NFKBID: variants seen among roughly 807,000 people sequenced by gnomAD.
The protein encoded by NFKBID is NF-kappa-B inhibitor delta.
Under a neutral mutation model 53.4 loss-of-function variants are expected in NFKBID, and 26 were observed. That is an observed-to-expected ratio of 0.49 (90% CI 0.36 to 0.68). NFKBID has a LOEUF of 0.68. Ranked by LOEUF, NFKBID falls within the 30% of genes least tolerant of loss-of-function variation. NFKBID has a pLI of 0.00. For missense variants in NFKBID, 493 were observed against 614.1 expected, an observed-to-expected ratio of 0.80 and a Z score of 2.08; for synonymous variants, 262 against 259.8, an observed-to-expected ratio of 1.01 and a Z score of -0.08.
upstream of NFKBID, among the ~76,000 whole-genome samples, chr19:35,901,407 T>C (rs1341189249): frequency 1.3e-5 from 2 of 152,070 alleles, no homozygotes; most frequent in East Asian, 3.9e-4. Flanking sequence ...TAAAATAATT[T>C]ATTGCAGCAG....
At chr19:35,898,487 T>C (rs1975344815) in exon 3 of NFKBID, 2 of 1,534,870 alleles carry the variant, frequency 1.3e-6, no homozygotes, top group African/African-American at 1.4e-5. Context: ...ACAGCCTCAT[T>C]CACAGATGGG....
intron 1 of NFKBID, among the ~76,000 whole-genome samples, chr19:35,900,140 G>T: frequency 7.5e-6 from 1 of 133,778 alleles, no homozygotes; most frequent in Non-Finnish European, 1.5e-5. Flanking sequence ...TCGGTTGCCA[G>T]CAACCCCTAG....
At chr19:35,888,672 G>T (rs1037776149) in intron 11 of NFKBID, 60 bp from the exon 12 acceptor site, 5 of 1,289,066 alleles carry the variant, frequency 3.9e-6, no homozygotes, top group South Asian at 3.8e-5. Flanking sequence ...GGTGGGGAAG[G>T]CACGCCATGC....
At position 35,895,529 on chromosome 19, in the gene NFKBID, C is replaced by T. The variant is rs560386980; in HGVS notation, c.1032+451G>A. On this transcript the variant is annotated intron_variant, in intron 9 of 11. Coordinates refer to ENST00000641389, the Ensembl canonical transcript of NFKBID. ...ACAAACAAAAAAACCCTGCTGGGCG[C>T]GGTGGCTCACGCCTGTAATCACAGC... Among the ~76,000 whole-genome samples, 95 of 151,970 alleles carry T rather than the reference C, an allele frequency of 6.3e-4. 1 individual carries two copies. The highest frequency in any genetic ancestry group is 2.1e-3 in the African/African-American group (87 of 41,418).
chr19:35,902,231 G>T (rs1195425321), upstream of NFKBID: 3 of 703,292 alleles, frequency 4.3e-6, no homozygotes, highest in Admixed American at 6.0e-5. Context: ...TCTTCTCAGC[G>T]TTTCATGCCA....
Position 35,896,354 on chromosome 19 carries a change from A to AC in NFKBID, c.831+37dup. 2 of 1,613,660 alleles carry AC rather than the reference A, an allele frequency of 1.2e-6. No individual in the cohort carries two copies. The highest frequency in any genetic ancestry group is 8.5e-7 in the Non-Finnish European group (1 of 1,179,870). On this transcript the variant is annotated intron_variant, in intron 7 of 11. Transcript: ENST00000641389. This position sits in a 1 kb window ranked among gnomAD's most constrained non-coding sequence, Gnocchi z 5.7. The stretch of plus-strand genomic sequence containing the variant: ...AAGCCAAAATCTGGGCAACCAGTCT[A>AC]CCCCCCAGACAAACCCCTGCCTGCC...
At chr19:35,897,899 G>A (rs1422602011) in intron 3 of NFKBID, 43 bp from the exon 4 acceptor site, 1 of 1,371,936 alleles carries the variant, frequency 7.3e-7, no homozygotes, top group African/African-American at 1.4e-5. Context: ...GGTTACCAGA[G>A]TTGGGGACGT....
intron 3 of NFKBID, 139 bp downstream of exon 3, chr19:35,898,333 A>G: frequency 1.5e-6 from 1 of 659,738 alleles, no homozygotes; most frequent in Non-Finnish European, 2.6e-6. Context: ...AGGGCAACAG[A>G]GTGAGATCCT....
chr19:35,890,062 A>T lies in NFKBID; in HGVS notation c.1150-8T>A. The T allele has an allele frequency of 6.3e-7, 1 of 1,594,066 alleles. No homozygotes were observed. Among genetic ancestry groups the T allele is most frequent in the Non-Finnish European group, 8.5e-7 (1 of 1,175,076 alleles). Reference sequence around the variant, plus strand: ...GGCTGTGTTCCCGTGGGCCTGGAAAAGTAAGGGGAGGGCTGGTGGGGATCT... The same window carrying T: ...GGCTGTGTTCCCGTGGGCCTGGAAATGTAAGGGGAGGGCTGGTGGGGATCT... On this transcript the variant is annotated splice_region_variant and splice_polypyrimidine_tract_variant and intron_variant, in intron 10 of 11. Coordinates refer to ENST00000641389, the Ensembl canonical transcript of NFKBID.
intron 11 of NFKBID, among the ~76,000 whole-genome samples, chr19:35,889,544 G>A (rs75062784): frequency 0.038 from 5,715 of 151,990 alleles, 130 homozygotes; most frequent in African/African-American, 0.052. Context: ...AGAGGTCAAA[G>A]GTCACATCTG....
chr19:35,893,917 A>T (rs1974956085), intron 9 of NFKBID, among the ~76,000 whole-genome samples: 1 of 151,876 alleles, frequency 6.6e-6, no homozygotes, highest in South Asian at 2.1e-4. Context: ...AGTTCATTCC[A>T]CTATTTTCTA....
At chr19:35,898,372 A>T in intron 3 of NFKBID, 100 bp downstream of exon 3, 1 of 746,896 alleles carries the variant, frequency 1.3e-6, no homozygotes, top group Non-Finnish European at 2.2e-6. Context: ...AAAGGGAAGA[A>T]TGAGGGCCTG....
intron 9 of NFKBID, among the ~76,000 whole-genome samples, chr19:35,894,376 C>T (rs995277792): frequency 6.6e-6 from 1 of 152,074 alleles, no homozygotes; most frequent in Admixed American, 6.6e-5. Context: ...AGTCAGACTA[C>T]CTGGGTTCTA....
chr19:35,888,360 G>A (rs1974528209), exon 12 of NFKBID: 1 of 565,844 alleles, frequency 1.8e-6, no homozygotes, highest in Non-Finnish European at 3.2e-6. Context: ...AGGGCTCCTT[G>A]TGGGTAGAAG....
In NFKBID at chr19:35,896,615, C is replaced by G. The variant is rs78187159; in HGVS notation, c.685-77G>C. On this transcript the variant is annotated intron_variant, in intron 6 of 11. Transcript: ENST00000641389. The surrounding 1 kb of genome is among the most constrained non-coding windows in gnomAD (Gnocchi z 5.7). ...AAACCAGGCTCCCAGCCCCATCCCCCCTCAGCCCCAGGAGCTCACCCCCCA... is the reference window on the plus strand; with the variant it reads ...AAACCAGGCTCCCAGCCCCATCCCCGCTCAGCCCCAGGAGCTCACCCCCCA... The G allele has an allele frequency of 2.7e-5, 42 of 1,555,608 alleles. No individual in the cohort carries two copies. The highest frequency in any genetic ancestry group is 1.9e-4 in the African/African-American group (14 of 73,516).
intron 2 of NFKBID, 67 bp from the exon 3 acceptor site, chr19:35,898,599 G>A (rs1975355814): frequency 1.4e-6 from 2 of 1,424,988 alleles, no homozygotes; most frequent in Non-Finnish European, 1.9e-6. Flanking sequence ...GGTCTGTCTC[G>A]GATCTATAAG....
chr19:35,893,626 C>T (rs567190277), intron 9 of NFKBID, among the ~76,000 whole-genome samples: 2 of 151,420 alleles, frequency 1.3e-5, no homozygotes, highest in African/African-American at 4.8e-5. Flanking sequence ...CGAGACCATC[C>T]TGGCTAACAC....
Position 35,896,704 on chromosome 19 carries a change from G to A in NFKBID, c.684+22C>T, listed in dbSNP as rs373730257. ...GCTCCTTCCTCCCCTGAACCCAGGA[G>A]AGTTCAGGCCCCAAGCCTCACCTTG... On this transcript the variant is annotated intron_variant, in intron 6 of 11. Coordinates refer to ENST00000641389, the Ensembl canonical transcript of NFKBID. This position sits in a 1 kb window ranked among gnomAD's most constrained non-coding sequence, Gnocchi z 5.7. The A allele has an allele frequency of 1.9e-6, 3 of 1,608,046 alleles. No individual in the cohort carries two copies. In the South Asian group the frequency reaches 3.3e-5, roughly 18 times the overall value.
intron 11 of NFKBID, 45 bp downstream of exon 11, chr19:35,889,845 G>A (rs769374732): frequency 7.7e-6 from 12 of 1,554,156 alleles, no homozygotes; most frequent in African/African-American, 6.8e-5. Context: ...TCCCGCGCCC[G>A]CGAGCTCAGA....
Sources: gnomAD v4.1 joint callset for allele counts (sites outside exome capture counted in the v4.1 genomes callset) on GRCh38, gnomAD v4.1.1 for gene constraint, Gnocchi (gnomAD v3.1) non-coding constraint, MANE v1.5 for transcripts, NCBI Gene and HGNC (gene_info 2026-07-23, HGNC 2026-07-21) for gene names.